The following TACC2 variants were observed in gnomAD, a reference collection of about 807,000 sequenced individuals.
The protein encoded by TACC2 is transforming acidic coiled-coil-containing protein 2.
In TACC2, 137 loss-of-function variants were observed where a neutral mutation model predicts 227.3. The ratio of observed to expected loss-of-function variants is 0.60; its 90% CI spans 0.52 to 0.69. TACC2 has a LOEUF of 0.69. TACC2 is among the 30% of genes least tolerant of loss of function. The probability of loss-of-function intolerance (pLI) is 0.00; values close to 1 mark genes in which losing one functional copy is unlikely to be tolerated. For synonymous variants in TACC2, 1,523 were observed against 1,487.5 expected (o/e 1.02, Z -0.55); for missense variants, 3,470 against 3,694.4 (o/e 0.94, Z 1.57).
intron 3 of TACC2, among the ~76,000 whole-genome samples, chr10:122,078,134 G>A (rs7905028): frequency 0.45 from 65,480 of 145,546 alleles, 15,275 homozygotes; most frequent in Non-Finnish European, 0.54. Flanking sequence ...GGTGGAGGTT[G>A]CAGTAAGCTG....
chr10:122,151,084 G>GT (rs1426890006), intron 7 of TACC2, among the ~76,000 whole-genome samples: 24 of 152,288 alleles, frequency 1.6e-4, no homozygotes, highest in Admixed American at 1.4e-3. Flanking sequence ...GTAGCTCAGT[G>GT]TTTGACAAGT....
rs150045569 is a variant in TACC2, at chr10:122,029,618, T to C, written c.33+7604T>C. ...ATTTCAATTATTTTTAAGCACTCTA[T>C]GGGCCAAACGAATGTGCCTGCTGGC... On this transcript the variant is annotated intron_variant, in intron 2 of 22. Coordinates refer to ENST00000369005, the MANE Select transcript of TACC2 (RefSeq NM_206862.4). Among the ~76,000 whole-genome samples, 145 of 152,312 alleles carry C rather than the reference T, an allele frequency of 9.5e-4. 2 individuals are homozygous for C. The highest frequency in any genetic ancestry group is 3.3e-3 in the African/African-American group (139 of 41,560).
chr10:122,245,664 G>A (rs1247092450), intron 19 of TACC2, among the ~76,000 whole-genome samples: 1 of 152,030 alleles, frequency 6.6e-6, no homozygotes, highest in Non-Finnish European at 1.5e-5. Context: ...CTCCCTCTTC[G>A]CAAGCCACTG....
At chr10:122,131,455 C>G (rs1298111513) in intron 5 of TACC2, among the ~76,000 whole-genome samples, 2 of 152,132 alleles carry the variant, frequency 1.3e-5, no homozygotes, top group African/African-American at 2.4e-5. Context: ...CCTGAGCCAC[C>G]CTGTGCTTGG....
chr10:122,210,859 C>T lies in TACC2; in HGVS notation c.6434C>T (p.Thr2145Ile). 6.2e-7 allele frequency: 1 copy of T among 1,613,420 alleles called. No homozygotes were observed. Among genetic ancestry groups the T allele is most frequent in the Non-Finnish European group, 8.5e-7 (1 of 1,179,898 alleles). The change falls in exon 9 of 23, where the codon ACA becomes ATA. Residue 2145 changes from threonine to isoleucine, a missense_variant. Physicochemically the swap from Thr to Ile is moderately conservative, Grantham distance 89 (BLOSUM62 -1). Transcript: ENST00000369005. This position sits in a 1 kb window ranked among gnomAD's most constrained non-coding sequence, Gnocchi z 4.6. Reference sequence around the variant, plus strand: ...AAGAAACAGACCACCAAGAAACCCACAGAGACCCCCCCAGTGAAGGAGACG... The same window carrying T: ...AAGAAACAGACCACCAAGAAACCCATAGAGACCCCCCCAGTGAAGGAGACG... ...LKKKQTTKKPTETPPVKETQQ... is the reference protein window; with the variant it reads ...LKKKQTTKKPIETPPVKETQQ...
At chr10:122,109,216 G>A (rs2083305005) in intron 5 of TACC2, among the ~76,000 whole-genome samples, 1 of 152,146 alleles carries the variant, frequency 6.6e-6, no homozygotes, top group South Asian at 2.1e-4. Flanking sequence ...CTTCTTTAAG[G>A]AGTCTCTACA....
chr10:122,092,252 C>A (rs73370138), intron 5 of TACC2, among the ~76,000 whole-genome samples: 5,185 of 152,116 alleles, frequency 0.034, 287 homozygotes, highest in African/African-American at 0.11. Context: ...TCTTTTTTAC[C>A]CCCTACTGCA....
intron 3 of TACC2, among the ~76,000 whole-genome samples, chr10:122,053,443 A>G (rs921432248): frequency 6.6e-6 from 1 of 151,854 alleles, no homozygotes; most frequent in Non-Finnish European, 1.5e-5. Flanking sequence ...ACACAGCCAA[A>G]CCATTATCAC....
At chr10:122,015,551 AT>A (rs1205071679) in intron 1 of TACC2, among the ~76,000 whole-genome samples, 1 of 151,930 alleles carries the variant, frequency 6.6e-6, no homozygotes, top group Non-Finnish European at 1.5e-5. Flanking sequence ...TATGAAATGC[AT>A]TAATAAGAAG....
chr10:122,208,233 G>T (rs957962840), intron 8 of TACC2, among the ~76,000 whole-genome samples: 1 of 152,196 alleles, frequency 6.6e-6, no homozygotes. Context: ...CTAGCTCATA[G>T]ATGTGCTTCC....
chr10:122,117,336 G>A (rs1469075209), intron 5 of TACC2, among the ~76,000 whole-genome samples: 1 of 151,768 alleles, frequency 6.6e-6, no homozygotes, highest in East Asian at 1.9e-4. Flanking sequence ...TGGGACTACA[G>A]GTGTGCACCA....
intron 5 of TACC2, among the ~76,000 whole-genome samples, chr10:122,091,176 C>A (rs1259207151): frequency 6.6e-6 from 1 of 151,920 alleles, no homozygotes; most frequent in Non-Finnish European, 1.5e-5. Context: ...CTCGGTCTAG[C>A]ATAGCAGCCC....
At chr10:122,183,198 C>A (rs1373482971) in intron 7 of TACC2, among the ~76,000 whole-genome samples, 3 of 147,312 alleles carry the variant, frequency 2.0e-5, no homozygotes, top group Admixed American at 2.0e-4. Context: ...GAGTGAGACT[C>A]TGTCTCAAAA....
intron 1 of TACC2, among the ~76,000 whole-genome samples, chr10:122,002,821 C>T (rs925141657): frequency 6.6e-6 from 1 of 152,108 alleles, no homozygotes; most frequent in Non-Finnish European, 1.5e-5. Context: ...GGTTATTTCC[C>T]TCTTGTAATT....
intron 10 of TACC2, among the ~76,000 whole-genome samples, chr10:122,216,309 G>T (rs1456517233): frequency 1.3e-5 from 2 of 152,144 alleles, no homozygotes; most frequent in Admixed American, 6.5e-5. Flanking sequence ...GAAGCACTGT[G>T]TGAGCCTCGC....
chr10:122,017,474 A>G (rs563287278), intron 1 of TACC2, among the ~76,000 whole-genome samples: 1 of 150,068 alleles, frequency 6.7e-6, no homozygotes, highest in Non-Finnish European at 1.5e-5. Flanking sequence ...CGCCATTCCC[A>G]ATTGGCTCAT....
intron 3 of TACC2, among the ~76,000 whole-genome samples, chr10:122,069,397 A>G (rs1357089016): frequency 6.6e-6 from 1 of 151,958 alleles, no homozygotes; most frequent in African/African-American, 2.4e-5. Flanking sequence ...GCCCACCACT[A>G]CGCCCGGCTA....
At chr10:122,164,541 A>T (rs2139882486) in intron 7 of TACC2, among the ~76,000 whole-genome samples, 1 of 152,322 alleles carries the variant, frequency 6.6e-6, no homozygotes, top group Admixed American at 6.5e-5. Context: ...CCGTCCTGTC[A>T]TTGGTGGAGG....
intron 6 of TACC2, among the ~76,000 whole-genome samples, chr10:122,140,313 G>C (rs1335664899): frequency 6.6e-6 from 1 of 152,220 alleles, no homozygotes; most frequent in African/African-American, 2.4e-5. Flanking sequence ...CTGAAAGCGT[G>C]GTGGTTTATA....
Sources: allele counts gnomAD v4.1 joint callset (sites outside exome capture counted in the v4.1 genomes callset), GRCh38; gene constraint gnomAD v4.1.1; non-coding constraint Gnocchi (gnomAD v3.1); transcripts MANE v1.5; gene names NCBI Gene and HGNC (gene_info 2026-07-23, HGNC 2026-07-21).